S100PBP: variants seen among roughly 807,000 people sequenced by gnomAD.
The protein encoded by S100PBP is S100P-binding protein.
Under a neutral mutation model 39.9 loss-of-function variants are expected in S100PBP, and 15 were observed. The ratio of observed to expected loss-of-function variants is 0.38; its 90% confidence interval spans 0.25 to 0.58. The LOEUF is 0.58. Among genes scored for constraint, S100PBP ranks in the 20% least tolerant of loss-of-function variants. The probability of loss-of-function intolerance (pLI) is 0.70; values close to 1 mark genes in which losing one functional copy is unlikely to be tolerated. For missense variants in S100PBP, 504 were observed against 487.3 expected, an observed-to-expected ratio of 1.03 and a Z score of -0.32; for synonymous variants, 178 against 180.3, an observed-to-expected ratio of 0.99 and a Z score of 0.10.
intron 5 of S100PBP, among the ~76,000 whole-genome samples, chr1:32,839,680 TC>T (rs1220507615): frequency 6.6e-6 from 1 of 152,124 alleles, no homozygotes; most frequent in East Asian, 1.9e-4. Context: ...CTGGCTAATT[TC>T]TTTTTATTTT....
intron 4 of S100PBP, among the ~76,000 whole-genome samples, chr1:32,829,485 C>T (rs1434215940): frequency 1.3e-4 from 20 of 152,062 alleles, no homozygotes; most frequent in Non-Finnish European, 4.4e-5. Context: ...TTTTTAGAGA[C>T]AGGGTCTCAC....
In S100PBP at chr1:32,827,047, A is replaced by G. The variant is rs952464857; in HGVS notation, c.831+117A>G. ...ATACACAACTTCCCCTGCTGTGGGC[A>G]TCCTACACCACAGTGGTACATTTGT... On this transcript the variant is annotated intron_variant, in intron 3 of 6. Coordinates refer to ENST00000373475, the MANE Select transcript of S100PBP (RefSeq NM_022753.4). The G allele has an allele frequency of 6.0e-6, 4 of 666,996 alleles. No homozygotes were observed. In the African/African-American group the frequency reaches 7.3e-5, roughly 12 times the overall value. The allele number at this position is 666,996 out of a possible 1,614,324, so 41.3% of individuals were successfully genotyped here. A position where few individuals can be genotyped will look rare whatever the true frequency, so the allele number is the denominator to read the frequency against.
chr1:32,817,039 G>T, upstream of S100PBP: 1 of 996,536 alleles, frequency 1.0e-6, no homozygotes, highest in South Asian at 1.3e-5. Context: ...TTGACTGACC[G>T]ACCAGCAGTG....
At position 32,836,539 on chromosome 1, in the gene S100PBP, A is replaced by G. The variant is rs939448998; in HGVS notation, c.1024+6472A>G. 4.1e-6 allele frequency: 4 copies of G among 981,750 alleles called. No individual in the cohort carries two copies. The African/African-American group carries it at 5.2e-5, about 13-fold the overall frequency. The allele number at this position is 981,750 out of a possible 1,614,324, so 60.8% of individuals were successfully genotyped here. ...ACTAAGTATTGTTCACTGAAAAGCC[A>G]AGTAGTATATTATGGCTTCATTTTC... On this transcript the variant is annotated intron_variant, in intron 5 of 6. Coordinates refer to ENST00000373475, the MANE Select transcript of S100PBP (RefSeq NM_022753.4).
chr1:32,824,055 G>A (rs750941331), intron 1 of S100PBP, among the ~76,000 whole-genome samples: 77 of 152,208 alleles, frequency 5.1e-4, no homozygotes, highest in Admixed American at 1.5e-3. Flanking sequence ...CAAATTAGCC[G>A]GGCGTGGTGG....
At chr1:32,817,053 TCTACAGGCTCTCTCAGAG>T, upstream of S100PBP, 2 of 1,135,834 alleles carry the variant, frequency 1.8e-6, no homozygotes, top group Non-Finnish European at 1.3e-6. Context: ...AGCAGTGAGA[TCTACAGGCTCTCTCAGAG>T]CTGCGCCAGC....
intron 1 of S100PBP, among the ~76,000 whole-genome samples, chr1:32,822,136 A>G (rs1639098561): frequency 6.6e-6 from 1 of 152,172 alleles, no homozygotes; most frequent in Admixed American, 6.5e-5. Context: ...TGTTATTTAC[A>G]GATGAAATGA....
chr1:32,856,244 T>C lies in S100PBP; in HGVS notation c.*206T>C, dbSNP rs1441966673. On this transcript the variant is annotated 3_prime_UTR_variant, in exon 7 of 7. Coordinates refer to ENST00000373475, the MANE Select transcript of S100PBP (RefSeq NM_022753.4). ...AGTCCCTCCTGATTTTGTGTGTGTG[T>C]GTCTGTGTTTAAGCAAGCGTTCGGT... 2 of 390,548 alleles carry C rather than the reference T, an allele frequency of 5.1e-6. No homozygotes were observed. Among genetic ancestry groups the C allele is most frequent in the Non-Finnish European group, 9.5e-6 (2 of 211,524 alleles). 24.2% of individuals were successfully genotyped at this position (390,548 alleles called of 1,614,324 possible).
At chr1:32,830,312 A>G (rs1396181518) in intron 5 of S100PBP, among the ~76,000 whole-genome samples, 1 of 152,140 alleles carries the variant, frequency 6.6e-6, no homozygotes, top group African/African-American at 2.4e-5. Context: ...TGCCTCCCTC[A>G]TGGTTGAGGG....
intron 5 of S100PBP, among the ~76,000 whole-genome samples, chr1:32,851,307 A>G (rs995847287): frequency 1.3e-5 from 2 of 152,188 alleles, no homozygotes; most frequent in Non-Finnish European, 2.9e-5. Flanking sequence ...AGCACAGTAG[A>G]TAAGGTAATG....
At chr1:32,817,433 G>C, upstream of S100PBP, 1 of 683,910 alleles carries the variant, frequency 1.5e-6, no homozygotes. Context: ...GCAGAGAGTC[G>C]AGCAGGTCGA....
intron 1 of S100PBP, among the ~76,000 whole-genome samples, chr1:32,820,361 G>A (rs570206672): frequency 6.6e-6 from 1 of 152,162 alleles, no homozygotes; most frequent in Admixed American, 6.5e-5. Context: ...GGCCAGGCTG[G>A]TCTTGAACTC....
intron 5 of S100PBP, among the ~76,000 whole-genome samples, chr1:32,842,221 G>GTATATA (rs373787383): frequency 0.075 from 6,836 of 91,312 alleles, 317 homozygotes; most frequent in East Asian, 0.12. Flanking sequence ...ATATATATAT[G>GTATATA]TATATATATA....
rs2148706056 is a variant in S100PBP, at chr1:32,858,083, A to G, written c.*2045A>G. On this transcript the variant is annotated 3_prime_UTR_variant, in exon 7 of 7. Coordinates refer to ENST00000373475, the MANE Select transcript of S100PBP (RefSeq NM_022753.4). The stretch of plus-strand genomic sequence containing the variant: ...AAACATCCACCTTTGGGACCATAGC[A>G]TAGTTAAAATTAAATGTAGTTGGAA... 1 of 152,440 alleles carries G rather than the reference A, an allele frequency of 6.6e-6. No homozygotes were observed. The highest frequency in any genetic ancestry group is 2.4e-5 in the African/African-American group (1 of 41,578). The allele number at this position is 152,440 out of a possible 1,614,324, so 9.4% of individuals were successfully genotyped here. A position where few individuals can be genotyped will look rare whatever the true frequency, so the allele number is the denominator to read the frequency against.
intron 5 of S100PBP, among the ~76,000 whole-genome samples, chr1:32,839,526 CTATTTT>C (rs901477924): frequency 2.0e-5 from 3 of 152,112 alleles, no homozygotes; most frequent in African/African-American, 4.8e-5. Flanking sequence ...TATGCTAATT[CTATTTT>C]TATTTTTATT....
chr1:32,823,074 A>AT (rs1363850876), intron 1 of S100PBP, among the ~76,000 whole-genome samples: 2 of 152,212 alleles, frequency 1.3e-5, no homozygotes, highest in Admixed American at 1.3e-4. Context: ...TTCTAACATT[A>AT]TTAGCTATGT....
At chr1:32,839,359 A>G (rs1639986519) in intron 5 of S100PBP, among the ~76,000 whole-genome samples, 1 of 152,158 alleles carries the variant, frequency 6.6e-6, no homozygotes, top group Non-Finnish European at 1.5e-5. Flanking sequence ...TGGATACCAC[A>G]TTTTGATTAT....
chr1:32,819,452 C>G (rs994901887), intron 1 of S100PBP, among the ~76,000 whole-genome samples: 1 of 152,122 alleles, frequency 6.6e-6, no homozygotes, highest in East Asian at 1.9e-4. Context: ...GTAATCCCAG[C>G]TACTGGGAGG....
intron 5 of S100PBP, among the ~76,000 whole-genome samples, chr1:32,852,047 C>T (rs1640632009): frequency 6.6e-6 from 1 of 152,132 alleles, no homozygotes; most frequent in African/African-American, 2.4e-5. Flanking sequence ...ATTTCAGGGC[C>T]ATGCATGGTG....
Sources: gnomAD v4.1 joint callset for allele counts (sites outside exome capture counted in the v4.1 genomes callset) on GRCh38, gnomAD v4.1.1 for gene constraint, MANE v1.5 for transcripts, NCBI Gene and HGNC (gene_info 2026-07-23, HGNC 2026-07-21) for gene names.